TMEM120A: variants seen among roughly 807,000 people sequenced by gnomAD.
TMEM120A encodes ion channel TACAN.
In TMEM120A, 45 loss-of-function variants were observed where a neutral mutation model predicts 54.3. The observed-to-expected ratio is 0.83, with a 90% CI of 0.65 to 1.06. TMEM120A has a LOEUF of 1.06. Among genes scored for constraint, TMEM120A ranks in the 50% least tolerant of loss-of-function variants. The pLI is 0.00. For missense variants in TMEM120A, 424 were observed against 441.7 expected, an observed-to-expected ratio of 0.96 and a Z score of 0.36; for synonymous variants, 204 against 178.5, an observed-to-expected ratio of 1.14 and a Z score of -1.14.
In TMEM120A at chr7:75,994,581, C is replaced by A. The variant is rs532035040; in HGVS notation, c.-11G>T. On this transcript the variant is annotated 5_prime_UTR_variant, in exon 1 of 12. Coordinates refer to ENST00000493111, the MANE Select transcript of TMEM120A (RefSeq NM_031925.3). Reference sequence around the variant, plus strand: ...GGGCGGGGGCTGCATGGCTGCAGCGCCAGTAGCCAGTAGTGGAGGACGGCG... The same window carrying A: ...GGGCGGGGGCTGCATGGCTGCAGCGACAGTAGCCAGTAGTGGAGGACGGCG... 1.3e-6 allele frequency: 2 copies of A among 1,526,962 alleles called. No individual in the cohort carries two copies. The highest frequency in any genetic ancestry group is 1.2e-5 in the South Asian group (1 of 82,706). The allele number at this position is 1,526,962 out of a possible 1,614,324, so 94.6% of individuals were successfully genotyped here. A position where few individuals can be genotyped will look rare whatever the true frequency, so the allele number is the denominator to read the frequency against.
At chr7:75,990,182 G>A (rs889309302) in intron 3 of TMEM120A, among the ~76,000 whole-genome samples, 40 of 152,058 alleles carry the variant, frequency 2.6e-4, no homozygotes, top group African/African-American at 8.7e-4. Context: ...CACTCAGCTC[G>A]CCATCTGGTT....
Position 75,989,150 on chromosome 7 carries a change from GCTC to G in TMEM120A, c.377+12_377+14del. On this transcript the variant is annotated intron_variant, in intron 4 of 11. Coordinates refer to ENST00000493111, the MANE Select transcript of TMEM120A (RefSeq NM_031925.3). ...GAGGGGTGGAGGTTGGGGGGTGGAG[GCTC>G]GGCCTGATTACTTAGCCTGCTTGCT... 1 of 1,485,244 alleles carries G rather than the reference GCTC, an allele frequency of 6.7e-7. No individual in the cohort carries two copies. The highest frequency in any genetic ancestry group is 9.1e-7 in the Non-Finnish European group (1 of 1,097,060). The allele number at this position is 1,485,244 out of a possible 1,614,324, so 92.0% of individuals were successfully genotyped here.
chr7:75,988,608 G>A (rs1228802131), intron 4 of TMEM120A, 92 bp from the exon 5 acceptor site: 7 of 636,986 alleles, frequency 1.1e-5, no homozygotes, highest in Non-Finnish European at 1.6e-5. Context: ...AGGGTAGTCG[G>A]ATGGAGGAGA....
At chr7:75,987,880 A>C (rs1554560374) in intron 8 of TMEM120A, 43 bp downstream of exon 8, 2 of 1,598,752 alleles carry the variant, frequency 1.3e-6, no homozygotes, top group African/African-American at 2.7e-5. Flanking sequence ...GCCCCCCACC[A>C]CGGGTGCCTC....
chr7:75,992,052 A>C, intron 3 of TMEM120A, 92 bp downstream of exon 3: 1 of 894,430 alleles, frequency 1.1e-6, no homozygotes, highest in Non-Finnish European at 1.8e-6. Context: ...GGGCCCAGGG[A>C]ACATTTGCTG....
At position 75,986,853 on chromosome 7, in the gene TMEM120A, G is replaced by C; in HGVS notation, c.*319C>G. On this transcript the variant is annotated 3_prime_UTR_variant, in exon 12 of 12. Transcript: ENST00000493111. ...CCCTTGGAATAAAGTTCTGTTTTCT[G>C]TATTTGCCTGGTATTGTGTGAGTAG... 1.7e-6 allele frequency: 1 copy of C among 575,962 alleles called. No homozygotes were observed. The highest frequency in any genetic ancestry group is 2.8e-5 in the East Asian group (1 of 35,190). The allele number at this position is 575,962 out of a possible 1,614,324, so 35.7% of individuals were successfully genotyped here.
intron 9 of TMEM120A, 53 bp downstream of exon 9, chr7:75,987,665 C>G: frequency 6.2e-7 from 1 of 1,606,290 alleles, no homozygotes; most frequent in Non-Finnish European, 8.5e-7. Flanking sequence ...CCACTCAGAC[C>G]CGGGATGGGA....
In TMEM120A at chr7:75,988,350, G is replaced by C. The variant is rs782141587; in HGVS notation, c.474-9C>G. On this transcript the variant is annotated splice_polypyrimidine_tract_variant and intron_variant, in intron 5 of 11. Transcript: ENST00000493111. Reference sequence around the variant, plus strand: ...AGGCAGCATCTGTCACCCTGCGGAGGGAGGGGACCGAGGGTTGGTACTGCA... The same window carrying C: ...AGGCAGCATCTGTCACCCTGCGGAGCGAGGGGACCGAGGGTTGGTACTGCA... 6.2e-7 allele frequency: 1 copy of C among 1,611,972 alleles called. No homozygotes were observed. The highest frequency in any genetic ancestry group is 8.5e-7 in the Non-Finnish European group (1 of 1,179,712).
intron 4 of TMEM120A, 55 bp downstream of exon 4, chr7:75,989,110 A>AGAGG: frequency 6.1e-6 from 2 of 328,574 alleles, no homozygotes; most frequent in Non-Finnish European, 1.0e-5. Flanking sequence ...GGAGGGGGGT[A>AGAGG]GGGGGCTAGG....
chr7:75,989,138 T>TG (rs782137811), intron 4 of TMEM120A, 27 bp downstream of exon 4: 3 of 597,668 alleles, frequency 5.0e-6, no homozygotes, highest in Admixed American at 5.1e-5. Flanking sequence ...GGGTGGAGGT[T>TG]GGGGGGTGGA....
At chr7:75,989,287 C>T in intron 3 of TMEM120A, 63 bp from the exon 4 acceptor site, 1 of 1,115,642 alleles carries the variant, frequency 9.0e-7, no homozygotes, top group South Asian at 1.3e-5. Context: ...CGGTACTCAG[C>T]CAAGCCTGCC....
In TMEM120A at chr7:75,988,480, G is replaced by C; in HGVS notation, c.414C>G (p.Leu138=). 3 of 1,609,926 alleles carry C rather than the reference G, an allele frequency of 1.9e-6. No homozygotes were observed. The highest frequency in any genetic ancestry group is 2.5e-6 in the Non-Finnish European group (3 of 1,179,346). ...TGAGGATGAGGATGATGGTGAGGTA[G>C]AGCTTGAACTTCTCATACTCGTCCT... ...AYKDEYEKFK[L]YLTIILILIS... is the part of the protein sequence containing the mutation. Residue 138 remains leucine, a synonymous_variant, in exon 5 of 12, where the codon CTC becomes CTG. Transcript: ENST00000493111.
chr7:75,992,443 T>A lies in TMEM120A; in HGVS notation c.196A>T (p.Lys66Ter). ...KRLQELALAL[K>*]KCKPSLPAEA... is the part of the protein sequence containing the mutation. ...GGTGGGGTAGGGGATCCTAACTTCTTCAGGGCGAGGGCCAGCTCCTGGAGC... is the reference window on the plus strand; with the variant it reads ...GGTGGGGTAGGGGATCCTAACTTCTACAGGGCGAGGGCCAGCTCCTGGAGC... Residue 66 changes from lysine to a stop codon, truncating the protein, a stop_gained, in exon 2 of 12, where the codon AAG (lysine) becomes TAG (stop). Transcript: ENST00000493111. LOFTEE classifies it high-confidence loss of function. 1 of 1,592,110 alleles carries A rather than the reference T, an allele frequency of 6.3e-7. No individual in the cohort carries two copies. The highest frequency in any genetic ancestry group is 8.5e-7 in the Non-Finnish European group (1 of 1,169,684).
At chr7:75,990,278 G>T (rs1185510165) in intron 3 of TMEM120A, among the ~76,000 whole-genome samples, 1 of 152,136 alleles carries the variant, frequency 6.6e-6, no homozygotes, top group Non-Finnish European at 1.5e-5. Flanking sequence ...ACACTGCAGA[G>T]AAGACAGCCT....
rs1554561979 is a variant in TMEM120A, at chr7:75,992,229, C to G, written c.232G>C (p.Gly78Arg). 6.2e-7 allele frequency: 1 copy of G among 1,611,706 alleles called. No individual in the cohort carries two copies. The highest frequency in any genetic ancestry group is 1.1e-5 in the South Asian group (1 of 90,900). The stretch of plus-strand genomic sequence containing the variant: ...TGGTTCTCCAGCTCCTGTGCGGCCC[C>G]CTCGGCCTCTGCTGGGAGGGAGGGT... ...CKPSLPAEAE[G>R]AAQELENQMK... The change falls in exon 3 of 12, where the codon GGG becomes CGG. Residue 78 changes from glycine (G) to arginine (R), a missense_variant. Gly to Arg is a moderately radical substitution (Grantham distance 125). Transcript: ENST00000493111.
At chr7:75,989,259 G>A (rs782746606) in intron 3 of TMEM120A, 35 bp from the exon 4 acceptor site, 109 of 1,428,108 alleles carry the variant, frequency 7.6e-5, no homozygotes, top group Non-Finnish European at 9.2e-5. Context: ...GGAGAAGCCC[G>A]AGTGACAGAC....
chr7:75,988,213 C>CA, intron 6 of TMEM120A, 39 bp downstream of exon 6: 1 of 1,611,824 alleles, frequency 6.2e-7, no homozygotes. Context: ...CCTGGCACCC[C>CA]ATTCCATGCT....
At chr7:75,991,579 T>C (rs1365716470) in intron 3 of TMEM120A, among the ~76,000 whole-genome samples, 1 of 152,090 alleles carries the variant, frequency 6.6e-6, no homozygotes, top group Non-Finnish European at 1.5e-5. Context: ...CTAATTTTTG[T>C]ATTTTTAGTA....
chr7:75,994,469 G>T, intron 1 of TMEM120A, 21 bp downstream of exon 1: 1 of 1,551,118 alleles, frequency 6.4e-7, no homozygotes, highest in East Asian at 2.4e-5. Context: ...GGGGCGACCC[G>T]GCGTCCGCAG....
Sources: gnomAD v4.1 joint callset for allele counts (sites outside exome capture counted in the v4.1 genomes callset) on GRCh38, gnomAD v4.1.1 for gene constraint, MANE v1.5 for transcripts, NCBI Gene and HGNC (gene_info 2026-07-23, HGNC 2026-07-21) for gene names.